The following PTPN4 variants were observed in gnomAD, a reference collection of about 807,000 sequenced individuals.
PTPN4 encodes the protein protein tyrosine phosphatase non-receptor type 4.
Under a neutral mutation model 135.5 loss-of-function variants are expected in PTPN4, and 49 were observed. The observed-to-expected ratio is 0.36, with a 90% CI of 0.29 to 0.46. PTPN4 has a LOEUF of 0.46. Ranked by LOEUF, PTPN4 falls within the 20% of genes least tolerant of loss-of-function variation. The pLI is 1.00. For synonymous variants in PTPN4, 333 were observed against 369.9 expected (o/e 0.90, Z 1.14); for missense variants, 860 against 1,101.0 (o/e 0.78, Z 3.10).
chr2:119,882,041 C>G, intron 6 of PTPN4, 56 bp from the exon 7 acceptor site: 1 of 1,442,072 alleles, frequency 6.9e-7, no homozygotes, highest in Non-Finnish European at 9.7e-7. Context: ...AATTATAGCA[C>G]TTTTGAAATT....
intron 18 of PTPN4, 53 bp downstream of exon 18, chr2:119,946,627 T>C (rs766056668): frequency 1.1e-5 from 14 of 1,305,158 alleles, no homozygotes; most frequent in African/African-American, 5.8e-5. Context: ...TATGTACTTA[T>C]TTTATAATTC....
intron 3 of PTPN4, among the ~76,000 whole-genome samples, chr2:119,866,104 A>G (rs1677831218): frequency 6.6e-6 from 1 of 152,086 alleles, no homozygotes; most frequent in Admixed American, 6.6e-5. Flanking sequence ...TGTTGAATAA[A>G]TGAGGAAAAT....
At chr2:119,843,631 C>T (rs1313899453) in intron 2 of PTPN4, among the ~76,000 whole-genome samples, 13 of 89,158 alleles carry the variant, frequency 1.5e-4, no homozygotes, top group African/African-American at 6.5e-4. Flanking sequence ...TGACCCCCCC[C>T]ACCTTCCCTC....
intron 9 of PTPN4, among the ~76,000 whole-genome samples, chr2:119,899,907 A>G (rs1678379757): frequency 6.6e-6 from 1 of 152,290 alleles, no homozygotes; most frequent in Middle Eastern, 3.4e-3. Flanking sequence ...TAGGAAGACA[A>G]TGATAAAATC....
At chr2:119,863,672 T>A (rs1438741052) in intron 3 of PTPN4, among the ~76,000 whole-genome samples, 1 of 152,172 alleles carries the variant, frequency 6.6e-6, no homozygotes, top group African/African-American at 2.4e-5. Flanking sequence ...TTTTTTGACA[T>A]CATTTACTGA....
intron 9 of PTPN4, among the ~76,000 whole-genome samples, chr2:119,888,288 G>T (rs1055080744): frequency 2.0e-5 from 3 of 152,008 alleles, no homozygotes; most frequent in Non-Finnish European, 4.4e-5. Flanking sequence ...CATATCATCA[G>T]CAAAAAGAGG....
intron 18 of PTPN4, among the ~76,000 whole-genome samples, chr2:119,947,958 TGG>T (rs973545993): frequency 6.6e-6 from 1 of 152,110 alleles, no homozygotes; most frequent in Non-Finnish European, 1.5e-5. Flanking sequence ...TATAAACTCC[TGG>T]GATGTAAACC....
chr2:119,881,826 G>A lies in PTPN4; in HGVS notation c.409G>A (p.Gly137Arg), dbSNP rs1171243349. The A allele has an allele frequency of 9.6e-6, 15 of 1,560,868 alleles. No individual in the cohort carries two copies. The highest frequency in any genetic ancestry group is 1.4e-5 in the African/African-American group (1 of 73,110). Reference sequence around the variant, plus strand: ...GCAAATTAAACAAGACATTCTTACTGGAAGGTGGGCTCTTTAAATTTCTTA... The same window carrying A: ...GCAAATTAAACAAGACATTCTTACTAGAAGGTGGGCTCTTTAAATTTCTTA... Reference protein sequence around the residue: ...FLQIKQDILTGRLPCPSNTAA... With the variant: ...FLQIKQDILTRRLPCPSNTAA... The change falls in exon 6 of 27, where the codon GGA (glycine) becomes AGA (arginine). Residue 137 changes from glycine (G) to arginine (R), a missense_variant. Physicochemically the swap from Gly to Arg is moderately radical, Grantham distance 125. Coordinates refer to ENST00000263708, the MANE Select transcript of PTPN4 (RefSeq NM_002830.4).
intron 5 of PTPN4, 50 bp downstream of exon 5, chr2:119,877,592 T>TACA: frequency 6.5e-7 from 1 of 1,538,680 alleles, no homozygotes. Flanking sequence ...AACTCTAATA[T>TACA]GAAATTTTGA....
chr2:119,878,506 G>A (rs1678018291), intron 5 of PTPN4, among the ~76,000 whole-genome samples: 1 of 152,024 alleles, frequency 6.6e-6, no homozygotes, highest in African/African-American at 2.4e-5. Context: ...TAATGTATTG[G>A]TTATCATTTA....
intron 1 of PTPN4, among the ~76,000 whole-genome samples, chr2:119,803,884 C>G (rs1359972053): frequency 1.3e-5 from 2 of 149,536 alleles, no homozygotes; most frequent in Non-Finnish European, 3.0e-5. Flanking sequence ...ACCATTTTAT[C>G]ATTATGTAAT....
intron 10 of PTPN4, among the ~76,000 whole-genome samples, chr2:119,907,621 A>T (rs894103041): frequency 3.9e-5 from 6 of 152,040 alleles, no homozygotes; most frequent in Non-Finnish European, 7.3e-5. Context: ...GAAAAAAAAA[A>T]ATATTGTATG....
intron 1 of PTPN4, among the ~76,000 whole-genome samples, chr2:119,781,187 G>A (rs934145126): frequency 3.9e-5 from 6 of 152,074 alleles, no homozygotes; most frequent in Non-Finnish European, 5.9e-5. Flanking sequence ...GCCTCACCTT[G>A]TATTTTCCTT....
At chr2:119,780,723 G>A (rs1690922282) in intron 1 of PTPN4, among the ~76,000 whole-genome samples, 3 of 152,136 alleles carry the variant, frequency 2.0e-5, no homozygotes, top group Non-Finnish European at 4.4e-5. Flanking sequence ...TGTTAAATTT[G>A]ATTATTTGGT....
At chr2:119,831,219 C>G (rs2928634) in intron 2 of PTPN4, among the ~76,000 whole-genome samples, 57,775 of 151,922 alleles carry the variant, frequency 0.38, 12,403 homozygotes, top group African/African-American at 0.59. Context: ...TGAGGAGGTG[C>G]AGCTTAGACA....
At chr2:119,831,095 T>G (rs1388332376) in intron 2 of PTPN4, among the ~76,000 whole-genome samples, 3 of 152,124 alleles carry the variant, frequency 2.0e-5, no homozygotes, top group African/African-American at 7.2e-5. Context: ...ATGAAACAGT[T>G]CTACCTGAGA....
At chr2:119,959,650 G>A (rs1194317405) in intron 22 of PTPN4, among the ~76,000 whole-genome samples, 2 of 152,230 alleles carry the variant, frequency 1.3e-5, no homozygotes, top group African/African-American at 2.4e-5. Context: ...AATTTTGAAA[G>A]GGTATTTAGT....
chr2:119,833,649 T>C (rs1042376865), intron 2 of PTPN4, among the ~76,000 whole-genome samples: 2 of 152,206 alleles, frequency 1.3e-5, no homozygotes, highest in Non-Finnish European at 2.9e-5. Context: ...ACGGATGCGT[T>C]CCTGAAGATG....
intron 1 of PTPN4, among the ~76,000 whole-genome samples, chr2:119,787,255 A>G (rs1421834184): frequency 1.3e-5 from 2 of 152,214 alleles, no homozygotes; most frequent in African/African-American, 4.8e-5. Flanking sequence ...CAGTTGGGGA[A>G]GGACATTGAG....
Sources: allele counts gnomAD v4.1 joint callset (sites outside exome capture counted in the v4.1 genomes callset), GRCh38; gene constraint gnomAD v4.1.1; transcripts MANE v1.5; gene names NCBI Gene and HGNC (gene_info 2026-07-23, HGNC 2026-07-21).